CFAP299: variants seen among roughly 807,000 people sequenced by gnomAD.
The protein encoded by CFAP299 is cilia and flagella associated protein 299.
In CFAP299, 21 loss-of-function variants were observed where a neutral mutation model predicts 27.0. The observed-to-expected ratio is 0.78, with a 90% CI of 0.55 to 1.12. CFAP299 has a LOEUF of 1.12. Ranked by LOEUF, CFAP299 falls within the 50% of genes most tolerant of loss-of-function variation. The pLI, the probability that CFAP299 is intolerant of heterozygous loss-of-function variation, is 0.00. For missense variants in CFAP299, 310 were observed against 276.6 expected (o/e 1.12, Z -0.86); for synonymous variants, 104 against 98.1 (o/e 1.06, Z -0.36).
intron 2 of CFAP299, among the ~76,000 whole-genome samples, chr4:80,484,273 T>C (rs959069527): frequency 1.3e-4 from 20 of 152,146 alleles, no homozygotes; most frequent in South Asian, 2.1e-4. Context: ...TTAAAAATTA[T>C]TTTATTTCAT....
At chr4:80,633,090 A>G (rs1739293344) in intron 3 of CFAP299, among the ~76,000 whole-genome samples, 1 of 152,184 alleles carries the variant, frequency 6.6e-6, no homozygotes, top group South Asian at 2.1e-4. Flanking sequence ...TATCACCATA[A>G]TTTCTTCTTA....
chr4:80,453,644 C>T (rs995990087), intron 2 of CFAP299, among the ~76,000 whole-genome samples: 8 of 151,888 alleles, frequency 5.3e-5, no homozygotes, highest in Admixed American at 2.0e-4. Flanking sequence ...AGTTCGAGAC[C>T]AGCCTGGCCA....
At chr4:80,427,156 A>G (rs1238358314) in intron 2 of CFAP299, among the ~76,000 whole-genome samples, 1 of 152,224 alleles carries the variant, frequency 6.6e-6, no homozygotes, top group Non-Finnish European at 1.5e-5. Context: ...CTGTATTCAT[A>G]TAACAACAAC....
chr4:80,323,364 G>C, the CFAP299 span, among the ~76,000 whole-genome samples: 1 of 152,236 alleles, frequency 6.6e-6, no homozygotes, highest in Admixed American at 6.5e-5. Flanking sequence ...GTAGAAAGCT[G>C]TAATGTATTA....
At chr4:80,630,670 G>C (rs1439545745) in intron 3 of CFAP299, among the ~76,000 whole-genome samples, 1 of 151,980 alleles carries the variant, frequency 6.6e-6, no homozygotes, top group African/African-American at 2.4e-5. Flanking sequence ...TAATTATGCA[G>C]TACAAGGGAT....
intron 2 of CFAP299, among the ~76,000 whole-genome samples, chr4:80,369,251 A>T (rs1724010512): frequency 6.6e-6 from 1 of 152,222 alleles, no homozygotes; most frequent in Non-Finnish European, 1.5e-5. Context: ...ATCTTGTAAC[A>T]TACAGATCTA....
chr4:80,648,360 T>C (rs369894090), intron 3 of CFAP299, among the ~76,000 whole-genome samples: 1 of 152,324 alleles, frequency 6.6e-6, no homozygotes, highest in East Asian at 1.9e-4. Context: ...GGTTTTAAAA[T>C]GGTAACTACT....
chr4:80,868,540 C>T (rs975796657), intron 3 of CFAP299, among the ~76,000 whole-genome samples: 7 of 152,114 alleles, frequency 4.6e-5, no homozygotes, highest in Non-Finnish European at 2.9e-5. Context: ...GAATTTGTTT[C>T]CTGCATCCTC....
intron 2 of CFAP299, among the ~76,000 whole-genome samples, chr4:80,505,547 G>C (rs537959906): frequency 3.8e-4 from 58 of 152,128 alleles, no homozygotes; most frequent in African/African-American, 1.3e-3. Context: ...GTTATGAATA[G>C]CAATCAAAAT....
intron 3 of CFAP299, among the ~76,000 whole-genome samples, chr4:80,608,745 G>C (rs1307994554): frequency 1.3e-5 from 2 of 151,988 alleles, no homozygotes; most frequent in African/African-American, 4.8e-5. Context: ...TGTTACCAAT[G>C]GGATGAAGCC....
intron 4 of CFAP299, among the ~76,000 whole-genome samples, chr4:80,895,884 C>T (rs1047027092): frequency 4.4e-4 from 67 of 152,096 alleles, no homozygotes; most frequent in Non-Finnish European, 1.5e-4. Flanking sequence ...AAAACTCACT[C>T]GGATGAATGA....
intron 3 of CFAP299, among the ~76,000 whole-genome samples, chr4:80,701,150 AC>A (rs891013122): frequency 6.6e-6 from 1 of 152,066 alleles, no homozygotes; most frequent in African/African-American, 2.4e-5. Context: ...GATCATAAAA[AC>A]ATTAGTGGGG....
rs377558149 is a variant in CFAP299 at position 80,926,229 on chromosome 4, T to C, written c.477-18581T>C. ...CTCAAGAAAAATATGAAGTTTGGAG[T>C]GCATGATGTGACTAGAGAGATGGCT... On this transcript the variant is annotated intron_variant, in intron 4 of 5. Transcript: ENST00000358105. Among the ~76,000 whole-genome samples the C allele has an allele frequency of 2.0e-3, 306 of 152,006 alleles. 2 individuals carry two copies. The highest frequency in any genetic ancestry group is 6.8e-3 in the African/African-American group (282 of 41,492).
At chr4:80,774,080 C>G (rs72866743) in intron 3 of CFAP299, among the ~76,000 whole-genome samples, 8,344 of 151,858 alleles carry the variant, frequency 0.055, 509 homozygotes, top group African/African-American at 0.15. Context: ...AAGCTTCCTT[C>G]TGAGAGATTT....
intron 2 of CFAP299, among the ~76,000 whole-genome samples, chr4:80,453,710 G>C (rs766876214): frequency 6.6e-6 from 1 of 151,370 alleles, no homozygotes; most frequent in Non-Finnish European, 1.5e-5. Flanking sequence ...GCTTCTTGGC[G>C]CGTGCCTGTA....
At chr4:80,506,467 A>G (rs1732043656) in intron 2 of CFAP299, among the ~76,000 whole-genome samples, 1 of 152,190 alleles carries the variant, frequency 6.6e-6, no homozygotes, top group Non-Finnish European at 1.5e-5. Flanking sequence ...ATTATTTCTA[A>G]GAAATGCTTT....
chr4:80,654,428 G>A (rs572949374), intron 3 of CFAP299, among the ~76,000 whole-genome samples: 2 of 151,822 alleles, frequency 1.3e-5, no homozygotes, highest in Non-Finnish European at 2.9e-5. Flanking sequence ...CAGCCTTTAG[G>A]GTAACTGTGT....
At chr4:80,896,308 T>C (rs1734606757) in intron 4 of CFAP299, among the ~76,000 whole-genome samples, 1 of 152,120 alleles carries the variant, frequency 6.6e-6, no homozygotes, top group Non-Finnish European at 1.5e-5. Context: ...TCAAAGTGGA[T>C]ACAATTTATT....
chr4:80,594,457 C>A (rs1208554509), intron 3 of CFAP299, among the ~76,000 whole-genome samples: 3 of 152,250 alleles, frequency 2.0e-5, no homozygotes, highest in African/African-American at 7.2e-5. Flanking sequence ...GGACACAAAG[C>A]CAAACCATAT....
Sources: gnomAD v4.1 joint callset for allele counts (sites outside exome capture counted in the v4.1 genomes callset) on GRCh38, gnomAD v4.1.1 for gene constraint, MANE v1.5 for transcripts, NCBI Gene and HGNC (gene_info 2026-07-23, HGNC 2026-07-21) for gene names.